Variants in DPY19L1 observed in about 807,000 individuals in gnomAD.
DPY19L1 encodes the protein dpy-19 like C-mannosyltransferase 1.
In DPY19L1, 35 loss-of-function variants were observed where a neutral mutation model predicts 96.9. The ratio of observed to expected loss-of-function variants is 0.36; its 90% CI spans 0.28 to 0.48. The LOEUF (loss-of-function observed/expected upper bound fraction) is 0.48, where lower values mean the gene tolerates loss of function less well. Ranked by LOEUF, DPY19L1 falls within the 20% of genes least tolerant of loss-of-function variation. DPY19L1 has a pLI of 0.99. For synonymous variants in DPY19L1, 205 were observed against 252.6 expected, an observed-to-expected ratio of 0.81 and a Z score of 1.79; for missense variants, 521 against 777.9, an observed-to-expected ratio of 0.67 and a Z score of 3.93.
intron 1 of DPY19L1, among the ~76,000 whole-genome samples, chr7:35,030,445 G>A (rs777831086): frequency 1.3e-4 from 20 of 152,128 alleles, no homozygotes; most frequent in Non-Finnish European, 2.6e-4. Flanking sequence ...AAAATCACAC[G>A]TTTTCATGAT....
chr7:35,029,116 A>G (rs1358844125), intron 1 of DPY19L1, among the ~76,000 whole-genome samples: 1 of 152,190 alleles, frequency 6.6e-6, no homozygotes, highest in Non-Finnish European at 1.5e-5. Flanking sequence ...ACCTTCTGGT[A>G]ATGCAGCCTG....
chr7:34,999,371 C>T (rs1311380546), intron 6 of DPY19L1, among the ~76,000 whole-genome samples: 3 of 151,962 alleles, frequency 2.0e-5, no homozygotes, highest in Admixed American at 6.6e-5. Flanking sequence ...TAATTGAGTA[C>T]AAAAATAAAA....
chr7:35,001,728 A>G (rs1481123862), intron 6 of DPY19L1, among the ~76,000 whole-genome samples: 1 of 152,170 alleles, frequency 6.6e-6, no homozygotes, highest in Non-Finnish European at 1.5e-5. Flanking sequence ...TAGAGCTTCT[A>G]TACAGCTTTT....
chr7:34,995,919 G>T (rs1170593379), intron 6 of DPY19L1, among the ~76,000 whole-genome samples: 11 of 145,048 alleles, frequency 7.6e-5, no homozygotes, highest in African/African-American at 1.2e-4. Context: ...GCGGCGGTGG[G>T]GGGGGCGGTG....
At chr7:34,948,105 G>T (rs188683718) in intron 14 of DPY19L1, among the ~76,000 whole-genome samples, 2 of 151,744 alleles carry the variant, frequency 1.3e-5, no homozygotes, top group African/African-American at 4.8e-5. Flanking sequence ...ACTTTCTCAC[G>T]CATAAACAAA....
At chr7:34,980,131 G>T (rs1292902882) in intron 7 of DPY19L1, among the ~76,000 whole-genome samples, 1 of 152,020 alleles carries the variant, frequency 6.6e-6, no homozygotes, top group Non-Finnish European at 1.5e-5. Context: ...ATGATACAAG[G>T]CCCACTACAA....
Position 34,968,287 on chromosome 7 carries a change from TCATATA to T in DPY19L1, c.1014+1140_1014+1145del, listed in dbSNP as rs201347082. Among the ~76,000 whole-genome samples, 1,458 of 152,268 alleles carry T rather than the reference TCATATA, an allele frequency of 9.6e-3. 19 individuals are homozygous for T. Among genetic ancestry groups the T allele is most frequent in the African/African-American group, 0.031 (1,307 of 41,542 alleles). The stretch of plus-strand genomic sequence containing the variant: ...TAAGTACCAGGTACTGTGTTAAGAA[TCATATA>T]CATTACTTCATCTGGTCCTATCCAC... On this transcript the variant is annotated intron_variant, in intron 9 of 21. Transcript: ENST00000638088.
At chr7:34,976,949 A>G (rs1443472481) in intron 7 of DPY19L1, among the ~76,000 whole-genome samples, 1 of 137,508 alleles carries the variant, frequency 7.3e-6, no homozygotes, top group African/African-American at 2.6e-5. Context: ...ACACCCAGCT[A>G]ATTTTTTTTT....
intron 7 of DPY19L1, among the ~76,000 whole-genome samples, chr7:34,978,936 A>G (rs2128669842): frequency 6.6e-6 from 1 of 152,256 alleles, no homozygotes; most frequent in South Asian, 2.1e-4. Flanking sequence ...AAGCTGCTCA[A>G]TTAACCAGTT....
intron 8 of DPY19L1, among the ~76,000 whole-genome samples, chr7:34,970,749 G>C (rs181093533): frequency 6.5e-4 from 98 of 151,228 alleles, no homozygotes; most frequent in Middle Eastern, 3.4e-3. Context: ...GCTGTGGGGA[G>C]ATAGGAGTGA....
chr7:34,965,177 G>C (rs1386080405), intron 10 of DPY19L1, among the ~76,000 whole-genome samples: 1 of 152,170 alleles, frequency 6.6e-6, no homozygotes, highest in African/African-American at 2.4e-5. Context: ...TGCCCTAGGA[G>C]ATATGTGAAG....
At chr7:34,968,087 T>C (rs1211272908) in intron 9 of DPY19L1, among the ~76,000 whole-genome samples, 1 of 151,952 alleles carries the variant, frequency 6.6e-6, no homozygotes, top group Non-Finnish European at 1.5e-5. Context: ...ATTTACAGGG[T>C]AGAATTTTCA....
At chr7:35,006,483 T>C (rs757804079) in intron 6 of DPY19L1, among the ~76,000 whole-genome samples, 14 of 152,200 alleles carry the variant, frequency 9.2e-5, no homozygotes, top group Non-Finnish European at 1.9e-4. Context: ...CCAATGCTCC[T>C]TCTTACTTGC....
chr7:35,005,743 G>A (rs1584250890), intron 6 of DPY19L1, among the ~76,000 whole-genome samples: 1 of 151,884 alleles, frequency 6.6e-6, no homozygotes, highest in East Asian at 1.9e-4. Context: ...CCCGGGAGGT[G>A]GAAAATGCAG....
chr7:34,960,910 C>G (rs1784487891), intron 10 of DPY19L1, among the ~76,000 whole-genome samples: 1 of 152,044 alleles, frequency 6.6e-6, no homozygotes, highest in African/African-American at 2.4e-5. Flanking sequence ...AATAGAATTT[C>G]TATTATCAAC....
At chr7:34,995,244 CA>C (rs1246431393) in intron 6 of DPY19L1, among the ~76,000 whole-genome samples, 1 of 151,970 alleles carries the variant, frequency 6.6e-6, no homozygotes, top group Non-Finnish European at 1.5e-5. Flanking sequence ...AAAGATGCAG[CA>C]ATCAGAATAC....
At chr7:34,940,045 A>G in intron 19 of DPY19L1, 108 bp downstream of exon 19, 1 of 967,714 alleles carries the variant, frequency 1.0e-6, no homozygotes, top group African/African-American at 1.7e-5. Context: ...GCATAGAAAG[A>G]GTGAGATCAG....
At chr7:35,011,543 T>G in intron 4 of DPY19L1, 93 bp from the exon 5 acceptor site, 1 of 1,255,070 alleles carries the variant, frequency 8.0e-7, no homozygotes, top group Non-Finnish European at 1.1e-6. Context: ...ATTACCATAT[T>G]TTCCCTTTCC....
Position 34,939,355 on chromosome 7 carries a change from T to C in DPY19L1, c.1885A>G (p.Met629Val). Residue 629 changes from methionine (M) to valine (V), a missense_variant, in exon 20 of 22, where the codon ATG becomes GTG. By Grantham distance (21) the Met-to-Val change is conservative (BLOSUM62 1). Coordinates refer to ENST00000638088, the MANE Select transcript of DPY19L1 (RefSeq NM_001366673.1). The part of the protein sequence containing the change: ...TKPDAVFAGA[M>V]PTMASVKLSA... ...AGCTTAACACTTGCCATCGTGGGCA[T>C]GGCACCCGCAAACACTGCATCTGGA... 6.2e-7 allele frequency: 1 copy of C among 1,613,956 alleles called. No homozygotes were observed. Among genetic ancestry groups the C allele is most frequent in the Non-Finnish European group, 8.5e-7 (1 of 1,179,932 alleles).
Sources: allele counts gnomAD v4.1 joint callset (sites outside exome capture counted in the v4.1 genomes callset), GRCh38; gene constraint gnomAD v4.1.1; transcripts MANE v1.5; gene names NCBI Gene and HGNC (gene_info 2026-07-23, HGNC 2026-07-21).